The following LRP1B variants were observed in gnomAD, a reference collection of about 807,000 sequenced individuals.
LRP1B encodes LDL receptor related protein 1B.
Under a neutral mutation model 556.6 loss-of-function variants are expected in LRP1B, and 217 were observed. That is an observed-to-expected ratio of 0.39 (90% confidence interval 0.35 to 0.44). LRP1B has a LOEUF of 0.44. Among genes scored for constraint, LRP1B ranks in the 20% least tolerant of loss-of-function variants. The pLI, the probability that LRP1B is intolerant of heterozygous loss-of-function variation, is 1.00. For missense variants in LRP1B, 5,053 were observed against 5,620.8 expected, an observed-to-expected ratio of 0.90 and a Z score of 3.23; for synonymous variants, 2,047 against 1,865.8, an observed-to-expected ratio of 1.10 and a Z score of -2.50.
rs534056991 is a variant in LRP1B at position 141,878,434 on chromosome 2, TA to T, written c.83-68034del. On this transcript the variant is annotated intron_variant, in intron 1 of 90. Transcript: ENST00000389484. ...ACTCAAGAGCAATTGATGAAATTTG[TA>T]AAAAAAAAAGTGTATAGGACAATAT... Among the ~76,000 whole-genome samples, 530 of 146,556 alleles carry T rather than the reference TA, an allele frequency of 3.6e-3. 5 individuals carry two copies. The highest frequency in any genetic ancestry group is 0.021 in the South Asian group (96 of 4,674).
intron 7 of LRP1B, among the ~76,000 whole-genome samples, chr2:141,161,544 A>G (rs72978101): frequency 0.028 from 4,217 of 152,216 alleles, 188 homozygotes; most frequent in African/African-American, 0.096. Context: ...ACAATTCTCT[A>G]TTGGGTCTCA....
intron 1 of LRP1B, among the ~76,000 whole-genome samples, chr2:141,896,099 G>A (rs1030004957): frequency 1.6e-4 from 25 of 152,016 alleles, no homozygotes; most frequent in Non-Finnish European, 7.4e-5. Context: ...CTTTAGCATA[G>A]TCCTCAAATG....
At position 141,762,250 on chromosome 2, in the gene LRP1B, A is replaced by T. The variant is rs543991731; in HGVS notation, c.205+48029T>A. Among the ~76,000 whole-genome samples the T allele has an allele frequency of 9.2e-5, 14 of 152,166 alleles. No homozygotes were observed. The East Asian group carries it at 2.7e-3, about 29-fold the overall frequency. The stretch of plus-strand genomic sequence containing the variant: ...TTGGCCACTGTTGAGTATTTCAATA[A>T]GCAAAGACCATAGGGAGCAGGGAAA... On this transcript the variant is annotated intron_variant, in intron 2 of 90. Coordinates refer to ENST00000389484, the MANE Select transcript of LRP1B (RefSeq NM_018557.3).
chr2:141,311,610 A>C (rs1168239873), intron 3 of LRP1B, among the ~76,000 whole-genome samples: 1 of 152,150 alleles, frequency 6.6e-6, no homozygotes. Context: ...GGTTGTCATC[A>C]GGGTAGGTCC....
At chr2:141,550,340 C>T (rs1685704486) in intron 2 of LRP1B, among the ~76,000 whole-genome samples, 1 of 152,136 alleles carries the variant, frequency 6.6e-6, no homozygotes, top group Admixed American at 6.6e-5. Flanking sequence ...ACTTTTCTCA[C>T]TTCAGCTCCT....
At chr2:140,309,717 A>G (rs763691772) in intron 83 of LRP1B, among the ~76,000 whole-genome samples, 5 of 151,856 alleles carry the variant, frequency 3.3e-5, no homozygotes, top group African/African-American at 9.7e-5. Flanking sequence ...AATGAAAACA[A>G]TAATACATGT....
intron 3 of LRP1B, among the ~76,000 whole-genome samples, chr2:141,407,245 A>C (rs2104936118): frequency 6.6e-6 from 1 of 152,276 alleles, no homozygotes; most frequent in South Asian, 2.1e-4. Context: ...CCAGTTTCAT[A>C]ATTCTCAATA....
intron 35 of LRP1B, among the ~76,000 whole-genome samples, chr2:140,748,349 CATATATA>C (rs1272062915): frequency 1.3e-5 from 1 of 74,220 alleles, no homozygotes; most frequent in Non-Finnish European, 2.6e-5. Context: ...ATATTATATT[CATATATA>C]ATATATATTT....
At chr2:141,733,133 C>G (rs183536128) in intron 2 of LRP1B, among the ~76,000 whole-genome samples, 24 of 152,168 alleles carry the variant, frequency 1.6e-4, no homozygotes, top group Admixed American at 1.4e-3. Context: ...CTATGTTTGC[C>G]TGAAGCTATT....
intron 23 of LRP1B, among the ~76,000 whole-genome samples, chr2:140,901,862 G>A (rs1267235534): frequency 2.6e-5 from 4 of 151,968 alleles, no homozygotes; most frequent in Non-Finnish European, 5.9e-5. Context: ...CTTGGAAAAA[G>A]TTGAAGAGAT....
Position 140,959,057 on chromosome 2 carries a change from AT to A in LRP1B, c.2888-7118del, listed in dbSNP as rs35278200. Among the ~76,000 whole-genome samples, 768 of 143,256 alleles carry A rather than the reference AT, an allele frequency of 5.4e-3. 2 individuals carry two copies. The highest frequency in any genetic ancestry group is 0.013 in the African/African-American group (519 of 39,474). 94.0% of individuals were successfully genotyped at this position (143,256 alleles called of 152,430 possible). A position where few individuals can be genotyped will look rare whatever the true frequency, so the allele number is the denominator to read the frequency against. ...TACAAACTTGAAGTGTGCTGCTCAG[AT>A]TTTTTTTTTTTTTTGTAAGTCTATT... On this transcript the variant is annotated intron_variant, in intron 18 of 90. Coordinates refer to ENST00000389484, the MANE Select transcript of LRP1B (RefSeq NM_018557.3).
intron 41 of LRP1B, among the ~76,000 whole-genome samples, chr2:140,630,811 C>G (rs1315636204): frequency 6.6e-6 from 1 of 152,162 alleles, no homozygotes; most frequent in Non-Finnish European, 1.5e-5. Context: ...GGCAATTACC[C>G]AGCTCCTTCT....
intron 66 of LRP1B, among the ~76,000 whole-genome samples, chr2:140,411,702 T>A (rs987578755): frequency 1.3e-5 from 2 of 152,008 alleles, no homozygotes; most frequent in Admixed American, 1.3e-4. Context: ...TGTTTTCTCA[T>A]CTATTAAATG....
At chr2:140,863,979 AT>A (rs1692874322) in intron 27 of LRP1B, among the ~76,000 whole-genome samples, 1 of 151,666 alleles carries the variant, frequency 6.6e-6, no homozygotes. Context: ...TGTGCATTTA[AT>A]GTCTTCTGCT....
intron 83 of LRP1B, among the ~76,000 whole-genome samples, chr2:140,304,711 T>C (rs1683990120): frequency 6.6e-6 from 1 of 152,218 alleles, no homozygotes; most frequent in Non-Finnish European, 1.5e-5. Flanking sequence ...TTTGGTGTTT[T>C]AGACATGAAG....
chr2:141,473,737 T>C (rs968625284), intron 3 of LRP1B, among the ~76,000 whole-genome samples: 5 of 152,316 alleles, frequency 3.3e-5, no homozygotes, highest in African/African-American at 1.2e-4. Context: ...TCAAGTCACT[T>C]GAGCACAGGT....
Position 140,666,088 on chromosome 2 carries a change from A to G in LRP1B, c.6799+34162T>C, listed in dbSNP as rs569028957. On this transcript the variant is annotated intron_variant, in intron 41 of 90. Transcript: ENST00000389484. ...AGCTCACTGCAACCTCTGCCCTCCA[A>G]GTTCAAGCGATTCTCCTGCCTCAGC... Among the ~76,000 whole-genome samples the G allele has an allele frequency of 2.3e-3, 354 of 151,590 alleles. 5 individuals carry two copies. Among genetic ancestry groups the G allele is most frequent in the African/African-American group, 7.9e-3 (326 of 41,306 alleles).
chr2:141,169,080 G>T (rs1269542955), intron 7 of LRP1B, among the ~76,000 whole-genome samples: 6 of 151,882 alleles, frequency 4.0e-5, no homozygotes, highest in Non-Finnish European at 7.4e-5. Flanking sequence ...GAGGTCAGGA[G>T]TTTGAGACCA....
At chr2:141,880,831 C>T (rs1262965432) in intron 1 of LRP1B, among the ~76,000 whole-genome samples, 1 of 151,826 alleles carries the variant, frequency 6.6e-6, no homozygotes, top group African/African-American at 2.4e-5. Flanking sequence ...AATACATCAT[C>T]GTGAATTCAC....
Sources: gnomAD v4.1 joint callset for allele counts (sites outside exome capture counted in the v4.1 genomes callset) on GRCh38, gnomAD v4.1.1 for gene constraint, MANE v1.5 for transcripts, NCBI Gene and HGNC (gene_info 2026-07-23, HGNC 2026-07-21) for gene names.